CCDC15: variants seen among roughly 807,000 people sequenced by gnomAD.
The protein encoded by CCDC15 is coiled-coil domain containing 15.
In CCDC15, 105 loss-of-function variants were observed where a neutral mutation model predicts 114.5. The observed-to-expected ratio is 0.92, with a 90% CI of 0.78 to 1.08. The LOEUF is 1.08. Among genes scored for constraint, CCDC15 ranks in the 50% least tolerant of loss-of-function variants. The pLI is 0.00. For missense variants in CCDC15, 1,105 were observed against 1,093.6 expected (o/e 1.01, Z -0.15); for synonymous variants, 334 against 377.8 (o/e 0.88, Z 1.34).
intron 4 of CCDC15, among the ~76,000 whole-genome samples, chr11:124,962,386 G>C (rs974147563): frequency 6.6e-6 from 1 of 152,178 alleles, no homozygotes; most frequent in Non-Finnish European, 1.5e-5. Context: ...ATTTATACAT[G>C]AAAGTATTTG....
At chr11:125,019,136 A>G (rs1009243219) in intron 13 of CCDC15, among the ~76,000 whole-genome samples, 2 of 151,968 alleles carry the variant, frequency 1.3e-5, no homozygotes, top group African/African-American at 4.8e-5. Flanking sequence ...CATCATGGGG[A>G]TAAGATGAAA....
At chr11:125,013,365 G>A (rs953735457) in intron 13 of CCDC15, among the ~76,000 whole-genome samples, 32 of 152,262 alleles carry the variant, frequency 2.1e-4, no homozygotes, top group South Asian at 1.0e-3. Context: ...AATCTATAAC[G>A]AAGTTGTTGA....
chr11:125,034,183 G>A (rs957969591), intron 13 of CCDC15, among the ~76,000 whole-genome samples: 5 of 152,134 alleles, frequency 3.3e-5, no homozygotes, highest in Admixed American at 3.3e-4. Flanking sequence ...GGTCGGGGAG[G>A]GGATGTTGCC....
At chr11:125,004,009 T>C (rs1948520723) in intron 12 of CCDC15, 50 bp downstream of exon 12, 1 of 927,824 alleles carries the variant, frequency 1.1e-6, no homozygotes, top group Admixed American at 3.7e-5. Context: ...TATGATAGTA[T>C]TAATATATGA....
intron 13 of CCDC15, among the ~76,000 whole-genome samples, chr11:125,037,297 T>C (rs1948782314): frequency 6.6e-6 from 1 of 152,244 alleles, no homozygotes; most frequent in Non-Finnish European, 1.5e-5. Context: ...TAATGTTCTG[T>C]GAAATACAAG....
chr11:124,991,316 A>C, intron 8 of CCDC15, 145 bp from the exon 9 acceptor site: 1 of 457,158 alleles, frequency 2.2e-6, no homozygotes, highest in Non-Finnish European at 3.7e-6. Context: ...AACTGACAAA[A>C]AGTATGAGTG....
At chr11:124,990,613 C>T (rs1309104423) in intron 8 of CCDC15, among the ~76,000 whole-genome samples, 2 of 152,212 alleles carry the variant, frequency 1.3e-5, no homozygotes, top group Non-Finnish European at 2.9e-5. Context: ...CTCCAGTGCT[C>T]TTACTAAATG....
At chr11:125,002,791 A>G (rs1164670737) in intron 11 of CCDC15, among the ~76,000 whole-genome samples, 1 of 151,956 alleles carries the variant, frequency 6.6e-6, no homozygotes, top group Non-Finnish European at 1.5e-5. Flanking sequence ...ATTTGTCTTG[A>G]TTATTATATC....
At chr11:124,986,691 T>TTG (rs35483983) in intron 6 of CCDC15, 51 bp from the exon 7 acceptor site, 7 of 1,221,880 alleles carry the variant, frequency 5.7e-6, no homozygotes, top group East Asian at 5.7e-5. Flanking sequence ...GTGTGTGTGT[T>TTG]TGTGTGTGTG....
Position 124,987,181 on chromosome 11 carries a change from C to T in CCDC15, c.955C>T (p.Gln319Ter). The change falls in exon 8 of 16, where the codon CAG (glutamine) becomes TAG (stop). Residue 319 changes from glutamine to a stop codon, truncating the protein, a stop_gained. Coordinates refer to ENST00000344762, the MANE Select transcript of CCDC15 (RefSeq NM_025004.3). LOFTEE classifies it high-confidence loss of function. ...FVLMEEEEQK[Q>*]LHFEGLQDIL... ...TCTGATGGAAGAGGAAGAACAAAAG[C>T]AGTTACATTTTGAGGGCCTTCAGGA... The T allele has an allele frequency of 1.3e-6, 2 of 1,520,916 alleles. No homozygotes were observed. Among genetic ancestry groups the T allele is most frequent in the Non-Finnish European group, 1.8e-6 (2 of 1,138,676 alleles). 94.2% of individuals were successfully genotyped at this position (1,520,916 alleles called of 1,614,324 possible). A position where few individuals can be genotyped will look rare whatever the true frequency, so the allele number is the denominator to read the frequency against.
chr11:124,986,691 T>TGTGTGTGTGTGTGTGTGTG lies in CCDC15; in HGVS notation c.754-51_754-50insGTGTGTGTGTGTGTGTGTG, dbSNP rs1555068459. ...GCTGTGTGTGTGTGTGTGTGTGTGT[T>TGTGTGTGTGTGTGTGTGTG]TGTGTGTGTGCGCGCGCGCGCGTGC... On this transcript the variant is annotated intron_variant, in intron 6 of 15. Coordinates refer to ENST00000344762, the MANE Select transcript of CCDC15 (RefSeq NM_025004.3). 179 of 1,223,072 alleles carry TGTGTGTGTGTGTGTGTGTG rather than the reference T, an allele frequency of 1.5e-4. 4 individuals are homozygous for TGTGTGTGTGTGTGTGTGTG. The African/African-American group carries it at 2.9e-3, about 20-fold the overall frequency. 75.8% of individuals were successfully genotyped at this position (1,223,072 alleles called of 1,614,324 possible).
At chr11:125,035,601 T>C (rs1051863255) in intron 13 of CCDC15, among the ~76,000 whole-genome samples, 1 of 152,094 alleles carries the variant, frequency 6.6e-6, no homozygotes. Flanking sequence ...AAGTAAGGAC[T>C]TACTTCTGCC....
At chr11:124,972,502 CT>C (rs1565359185) in intron 4 of CCDC15, among the ~76,000 whole-genome samples, 2 of 152,132 alleles carry the variant, frequency 1.3e-5, no homozygotes, top group African/African-American at 4.8e-5. Context: ...TAATATCCCC[CT>C]GGGTTCTATG....
intron 6 of CCDC15, among the ~76,000 whole-genome samples, chr11:124,984,905 A>G (rs1215855564): frequency 6.6e-6 from 1 of 152,132 alleles, no homozygotes; most frequent in African/African-American, 2.4e-5. Context: ...GTCTCTCGGT[A>G]GTAGATGTTC....
At position 125,039,060 on chromosome 11, in the gene CCDC15, A is replaced by C; in HGVS notation, c.2725A>C (p.Asn909His). The stretch of plus-strand genomic sequence containing the variant: ...TGCCAACAACTGTATTTTCTATAAA[A>C]ACCACAGAGGTAAGTTTCTTGAAGG... ...TCANNCIFYK[N>H]HRAYTRALHS... The change falls in exon 15 of 16, where the codon AAC becomes CAC. Residue 909 changes from asparagine (N) to histidine (H), a missense_variant. Transcript: ENST00000344762. 6.3e-7 allele frequency: 1 copy of C among 1,594,724 alleles called. No homozygotes were observed. Among genetic ancestry groups the C allele is most frequent in the Non-Finnish European group, 8.6e-7 (1 of 1,167,736 alleles).
chr11:125,011,239 A>ATTTTTTT (rs1398467750), intron 13 of CCDC15, among the ~76,000 whole-genome samples: 1 of 135,136 alleles, frequency 7.4e-6, no homozygotes, highest in African/African-American at 2.9e-5. Context: ...TATTATTATT[A>ATTTTTTT]TTATTATTAT....
intron 11 of CCDC15, among the ~76,000 whole-genome samples, chr11:124,996,646 CCA>C (rs1351763931): frequency 2.6e-5 from 4 of 151,182 alleles, no homozygotes; most frequent in Non-Finnish European, 5.9e-5. Context: ...CCATCCATCT[CCA>C]GAGTTTTTTC....
At chr11:124,994,653 G>A (rs958423712) in intron 11 of CCDC15, among the ~76,000 whole-genome samples, 7 of 152,040 alleles carry the variant, frequency 4.6e-5, no homozygotes, top group Non-Finnish European at 1.0e-4. Context: ...AGAGCATAAG[G>A]CAGGCTCACC....
At chr11:124,964,258 T>G (rs1284781899) in intron 4 of CCDC15, among the ~76,000 whole-genome samples, 1 of 152,220 alleles carries the variant, frequency 6.6e-6, no homozygotes, top group African/African-American at 2.4e-5. Flanking sequence ...ACGATATTGA[T>G]TCTTCCTGTC....
Sources: gnomAD v4.1 joint callset for allele counts (sites outside exome capture counted in the v4.1 genomes callset) on GRCh38, gnomAD v4.1.1 for gene constraint, MANE v1.5 for transcripts, NCBI Gene and HGNC (gene_info 2026-07-23, HGNC 2026-07-21) for gene names.